OSBP2: variants seen among roughly 807,000 people sequenced by gnomAD.
OSBP2 encodes the protein oxysterol binding protein 2, also known as oxysterol-binding protein 2.
OSBP2 carries 66 observed loss-of-function variants against 96.0 expected under a neutral mutation model. The observed-to-expected ratio is 0.69, with a 90% CI of 0.56 to 0.84. The LOEUF is 0.84. Ranked by LOEUF, OSBP2 falls within the 40% of genes least tolerant of loss-of-function variation. The pLI is 0.00. For missense variants in OSBP2, 1,038 were observed against 1,222.7 expected (o/e 0.85, Z 2.25); for synonymous variants, 525 against 520.9 (o/e 1.01, Z -0.11).
intron 1 of OSBP2, among the ~76,000 whole-genome samples, chr22:30,731,131 G>A (rs1196646474): frequency 2.0e-5 from 3 of 151,868 alleles, no homozygotes; most frequent in East Asian, 3.9e-4. Context: ...CCGAGATCGC[G>A]CCACTGCACT....
rs569038352 is a variant in OSBP2 at position 30,765,973 on chromosome 22, G to A, written c.853+24604G>A. Among the ~76,000 whole-genome samples, 6 of 152,336 alleles carry A rather than the reference G, an allele frequency of 3.9e-5. No homozygotes were observed. In the South Asian group the frequency reaches 1.2e-3, roughly 32 times the overall value. On this transcript the variant is annotated intron_variant, in intron 2 of 13. Transcript: ENST00000332585. ...AGTGGAGCCAGGCATGGCAGTTCAT[G>A]CCTGTAATCCCAGCATTTTGGGAGG... is the stretch of plus-strand genomic sequence containing the variant.
chr22:30,886,664 G>A (rs933131166), intron 3 of OSBP2, among the ~76,000 whole-genome samples: 2 of 152,240 alleles, frequency 1.3e-5, no homozygotes, highest in African/African-American at 4.8e-5. Flanking sequence ...TGTTATGCCA[G>A]AGTCAGGTTG....
intron 2 of OSBP2, among the ~76,000 whole-genome samples, chr22:30,776,205 A>C (rs1394686047): frequency 6.6e-6 from 1 of 151,466 alleles, no homozygotes; most frequent in African/African-American, 2.4e-5. Flanking sequence ...AGCTCACTGC[A>C]ACCTCCACCT....
intron 2 of OSBP2, chr22:30,764,151 C>T (rs1427548390): frequency 1.0e-5 from 8 of 800,612 alleles, no homozygotes; most frequent in Admixed American, 6.2e-5. Flanking sequence ...CCCCGGTTCT[C>T]GCCTCCCCTA....
At chr22:30,812,576 C>T (rs748585382) in intron 2 of OSBP2, among the ~76,000 whole-genome samples, 2 of 152,204 alleles carry the variant, frequency 1.3e-5, no homozygotes, top group Non-Finnish European at 2.9e-5. Context: ...CCAGAAAGTG[C>T]TGTGCAAATC....
At position 30,738,646 on chromosome 22, in the gene OSBP2, C is replaced by T. The variant is rs567268854; in HGVS notation, c.645-2515C>T. Among the ~76,000 whole-genome samples, 6 of 152,022 alleles carry T rather than the reference C, an allele frequency of 3.9e-5. No homozygotes were observed. The South Asian group carries it at 6.2e-4, about 16-fold the overall frequency. ...TGCAATCTTGTCTCATTGCAACCTC[C>T]GCCTCCCAGGTTCAAGTGATTCTCC... On this transcript the variant is annotated intron_variant, in intron 1 of 13. Coordinates refer to ENST00000332585, the MANE Select transcript of OSBP2 (RefSeq NM_030758.4).
chr22:30,803,052 G>A, intron 2 of OSBP2: 1 of 187,334 alleles, frequency 5.3e-6, no homozygotes, highest in South Asian at 9.0e-5. Context: ...AGCCGGCACT[G>A]CACCCAGATG....
intron 2 of OSBP2, chr22:30,842,765 G>GTTCT (rs1389939617): frequency 6.6e-5 from 10 of 151,232 alleles, no homozygotes; most frequent in Admixed American, 1.3e-4. Flanking sequence ...CAGCAATTCA[G>GTTCT]TTCGTTCTTT....
upstream of OSBP2, chr22:30,694,457 G>T: frequency 7.4e-7 from 1 of 1,351,916 alleles, no homozygotes; most frequent in South Asian, 1.5e-5. Flanking sequence ...GGCTTTCCTG[G>T]GTGGCGGAGA....
intron 2 of OSBP2, among the ~76,000 whole-genome samples, chr22:30,864,849 C>T (rs2039298018): frequency 6.6e-6 from 1 of 152,170 alleles, no homozygotes; most frequent in African/African-American, 2.4e-5. Context: ...TGCTGGACAT[C>T]TATGCCTTAA....
chr22:30,725,980 G>A (rs1473822277), intron 1 of OSBP2, among the ~76,000 whole-genome samples: 9 of 151,936 alleles, frequency 5.9e-5, no homozygotes, highest in Non-Finnish European at 1.2e-4. Context: ...GGGTTTCGCC[G>A]TGTTGCCTAG....
At chr22:30,766,555 C>T (rs1028568366) in intron 2 of OSBP2, among the ~76,000 whole-genome samples, 13 of 152,188 alleles carry the variant, frequency 8.5e-5, no homozygotes, top group Admixed American at 7.2e-4. Flanking sequence ...CGTGTAGTGC[C>T]AGTGCCTCCC....
intron 2 of OSBP2, among the ~76,000 whole-genome samples, chr22:30,756,782 A>T (rs529465775): frequency 6.6e-6 from 1 of 152,266 alleles, no homozygotes; most frequent in Admixed American, 6.5e-5. Flanking sequence ...CAGTCACTGG[A>T]GTGTGGTGGC....
intron 3 of OSBP2, among the ~76,000 whole-genome samples, chr22:30,872,153 A>G (rs1264027450): frequency 2.0e-5 from 3 of 152,176 alleles, no homozygotes; most frequent in African/African-American, 7.2e-5. Context: ...TGTTGGCCCC[A>G]TTGTCACCTG....
intron 2 of OSBP2, among the ~76,000 whole-genome samples, chr22:30,803,634 C>T (rs1602286697): frequency 1.3e-5 from 2 of 152,324 alleles, no homozygotes; most frequent in South Asian, 4.1e-4. Context: ...GGGCTACAAG[C>T]GAGAAGTAGA....
At chr22:30,712,441 G>A (rs980567171) in intron 1 of OSBP2, among the ~76,000 whole-genome samples, 2 of 152,162 alleles carry the variant, frequency 1.3e-5, no homozygotes, top group African/African-American at 2.4e-5. Context: ...TATTAAGTAA[G>A]GATGTGGATG....
intron 2 of OSBP2, among the ~76,000 whole-genome samples, chr22:30,847,439 G>A (rs989442162): frequency 1.4e-4 from 21 of 151,458 alleles, no homozygotes; most frequent in Admixed American, 7.9e-4. Context: ...CCACCACCAC[G>A]CCTGGCTAAT....
At chr22:30,694,868 G>GC (rs2088994063), upstream of OSBP2, 2 of 965,994 alleles carry the variant, frequency 2.1e-6, no homozygotes, top group Admixed American at 9.2e-5. Flanking sequence ...CCTGCCCCCC[G>GC]CCCCCACTGG....
At chr22:30,854,674 C>CA (rs1339357709) in intron 2 of OSBP2, among the ~76,000 whole-genome samples, 11 of 147,364 alleles carry the variant, frequency 7.5e-5, no homozygotes, top group African/African-American at 2.7e-4. Context: ...TATATTTACT[C>CA]ACATATTTAT....
Sources: gnomAD v4.1 joint callset for allele counts (sites outside exome capture counted in the v4.1 genomes callset) on GRCh38, gnomAD v4.1.1 for gene constraint, MANE v1.5 for transcripts, NCBI Gene and HGNC (gene_info 2026-07-23, HGNC 2026-07-21) for gene names.